TPX2: variants seen among roughly 807,000 people sequenced by gnomAD.
TPX2 encodes TPX2 microtubule nucleation factor, also known as targeting protein for Xklp2.
Under a neutral mutation model 93.6 loss-of-function variants are expected in TPX2, and 21 were observed. That is an observed-to-expected ratio of 0.22 (90% CI 0.16 to 0.32). TPX2 has a LOEUF of 0.32. TPX2 is among the 10% of genes least tolerant of loss of function. The pLI is 1.00. For missense variants in TPX2, 776 were observed against 871.1 expected, an observed-to-expected ratio of 0.89 and a Z score of 1.37; for synonymous variants, 281 against 298.3, an observed-to-expected ratio of 0.94 and a Z score of 0.60.
chr20:31,783,526 C>T (rs997571177), intron 11 of TPX2, among the ~76,000 whole-genome samples, 179 bp from the exon 12 acceptor site: 56 of 152,248 alleles, frequency 3.7e-4, no homozygotes, highest in African/African-American at 1.3e-3. Context: ...GCTGGGATTA[C>T]GGGCATGAGC....
chr20:31,763,414 A>G (rs1455151225), intron 4 of TPX2, among the ~76,000 whole-genome samples: 2 of 152,070 alleles, frequency 1.3e-5, no homozygotes, highest in Non-Finnish European at 2.9e-5. Flanking sequence ...TCCTGACCTC[A>G]GGTGATCTAC....
chr20:31,778,842 T>C lies in TPX2; in HGVS notation c.912T>C (p.Val304=), dbSNP rs1160757902. The part of the protein sequence containing the change: ...PARVTKGCTI[V]KPFNLSQGKK... ...GAGTGACTAAGGGATGTACCATTGTTAAGCCTTTCAACCTGTCCCAAGGAA... is the reference window on the plus strand; with the variant it reads ...GAGTGACTAAGGGATGTACCATTGTCAAGCCTTTCAACCTGTCCCAAGGAA... The change falls in exon 10 of 18, where the codon GTT becomes GTC. Residue 304 remains valine, a synonymous_variant. Transcript: ENST00000300403. 6.9e-6 allele frequency: 11 copies of C among 1,602,444 alleles called. No individual in the cohort carries two copies. Among genetic ancestry groups the C allele is most frequent in the Non-Finnish European group, 9.4e-6 (11 of 1,176,266 alleles).
chr20:31,771,807 A>G, intron 7 of TPX2, 125 bp downstream of exon 7: 1 of 1,093,364 alleles, frequency 9.1e-7, no homozygotes, highest in Non-Finnish European at 1.3e-6. Context: ...GGTGAGGTGA[A>G]TTGTTACATG....
At chr20:31,785,443 T>C (rs1177390498) in intron 12 of TPX2, among the ~76,000 whole-genome samples, 2 of 152,082 alleles carry the variant, frequency 1.3e-5, no homozygotes, top group Non-Finnish European at 2.9e-5. Flanking sequence ...ATAAGAGAAA[T>C]TATTTCTTCA....
At position 31,742,561 on chromosome 20, in the gene TPX2, A is replaced by G. The variant is rs2061759466; in HGVS notation, c.-157A>G. ...TCCAGGTTCTTGATACATATTTGCCAGACTTCAAGATTTCAGAAAAGGGGT... is the reference window on the plus strand; with the variant it reads ...TCCAGGTTCTTGATACATATTTGCCGGACTTCAAGATTTCAGAAAAGGGGT... On this transcript the variant is annotated 5_prime_UTR_variant, in exon 2 of 18. Coordinates refer to ENST00000300403, the MANE Select transcript of TPX2 (RefSeq NM_012112.5). 1.3e-5 allele frequency: 2 copies of G among 152,346 alleles called. No homozygotes were observed. The highest frequency in any genetic ancestry group is 4.1e-4 in the South Asian group (2 of 4,832). The allele number at this position is 152,346 out of a possible 1,614,324, so 9.4% of individuals were successfully genotyped here.
At chr20:31,754,261 A>G (rs973183551) in intron 2 of TPX2, among the ~76,000 whole-genome samples, 1 of 151,870 alleles carries the variant, frequency 6.6e-6, no homozygotes, top group Admixed American at 6.6e-5. Flanking sequence ...TTGTATTTTC[A>G]GTAGAGATGG....
At chr20:31,756,302 C>T (rs1209837184) in intron 2 of TPX2, among the ~76,000 whole-genome samples, 1 of 152,104 alleles carries the variant, frequency 6.6e-6, no homozygotes, top group Non-Finnish European at 1.5e-5. Flanking sequence ...ATAAACAAAG[C>T]ACAATTGGCT....
intron 6 of TPX2, 47 bp from the exon 7 acceptor site, chr20:31,771,513 A>G (rs548011776): frequency 3.8e-6 from 6 of 1,593,598 alleles, no homozygotes; most frequent in African/African-American, 1.3e-5. Flanking sequence ...GGTACAGGCT[A>G]TGCTTCAGGG....
At position 31,758,621 on chromosome 20, in the gene TPX2, G is replaced by C. The variant is rs116714539; in HGVS notation, c.106+1039G>C. On this transcript the variant is annotated intron_variant, in intron 3 of 17. Transcript: ENST00000300403. ...TCGGGAGAAATCACTATGAATATGTGGTGGGGAACAGAAGTGAGTCCATTG... is the reference window on the plus strand; with the variant it reads ...TCGGGAGAAATCACTATGAATATGTCGTGGGGAACAGAAGTGAGTCCATTG... Among the ~76,000 whole-genome samples, 215 of 152,282 alleles carry C rather than the reference G, an allele frequency of 1.4e-3. 1 individual carries two copies. Among genetic ancestry groups the C allele is most frequent in the African/African-American group, 5.1e-3 (210 of 41,540 alleles).
chr20:31,760,213 A>G (rs748150261), intron 4 of TPX2, 34 bp downstream of exon 4: 14 of 1,611,536 alleles, frequency 8.7e-6, no homozygotes, highest in Admixed American at 6.7e-5. Flanking sequence ...GCTCCTTGAT[A>G]GAATGGTGGG....
intron 4 of TPX2, among the ~76,000 whole-genome samples, chr20:31,764,127 TATGTACATATACATGTATGTGTACATAC>T (rs1256809839): frequency 2.6e-5 from 4 of 151,594 alleles, no homozygotes; most frequent in East Asian, 1.9e-4. Flanking sequence ...TGTGTGTATA[TATGTACATATACATGTATGTGTACATAC>T]ATGTACACAT....
intron 5 of TPX2, 37 bp downstream of exon 5, chr20:31,766,719 A>G: frequency 1.3e-6 from 2 of 1,598,172 alleles, no homozygotes; most frequent in Non-Finnish European, 1.7e-6. Context: ...GGTTATGATA[A>G]TAATGTTCAA....
chr20:31,782,333 CT>C lies in TPX2; in HGVS notation c.1140del (p.Val381Ter). 6.2e-7 allele frequency: 1 copy of C among 1,613,702 alleles called. No individual in the cohort carries two copies. The highest frequency in any genetic ancestry group is 8.5e-7 in the Non-Finnish European group (1 of 1,179,860). ...PVLQTKHRARAVTCKSTAELE... is the reference protein window; with the variant it reads ...PVLQTKHRARXVTCKSTAELE... The stretch of plus-strand genomic sequence containing the variant: ...CTGCAAACCAAACACCGTGCACGGG[CT>C]GTGACCTGCAAAAGTACAGCAGAGC... On this transcript the variant is annotated frameshift_variant, in exon 11 of 18. Coordinates refer to ENST00000300403, the MANE Select transcript of TPX2 (RefSeq NM_012112.5). LOFTEE classifies it high-confidence loss of function.
intron 12 of TPX2, among the ~76,000 whole-genome samples, chr20:31,784,732 T>G (rs984130457): frequency 1.3e-5 from 2 of 152,184 alleles, no homozygotes; most frequent in African/African-American, 4.8e-5. Flanking sequence ...AAGTGAGTTG[T>G]AGTTTGATAA....
At chr20:31,784,031 A>C in intron 12 of TPX2, 110 bp downstream of exon 12, 1 of 1,155,768 alleles carries the variant, frequency 8.7e-7, no homozygotes, top group East Asian at 2.4e-5. Context: ...CATATTAGGA[A>C]CTGCAGGTGA....
intron 5 of TPX2, 113 bp downstream of exon 5, chr20:31,766,795 C>CTTTTTT (rs11299452): frequency 2.2e-5 from 10 of 450,866 alleles, no homozygotes; most frequent in African/African-American, 3.4e-5. Flanking sequence ...CTTTATGTTA[C>CTTTTTT]TTTTTTTTTT....
intron 12 of TPX2, among the ~76,000 whole-genome samples, 168 bp downstream of exon 12, chr20:31,784,089 C>T (rs2123062562): frequency 6.6e-6 from 1 of 152,114 alleles, no homozygotes; most frequent in East Asian, 1.9e-4. Context: ...AACTCAAAGT[C>T]TGGTATGGGA....
intron 16 of TPX2, 27 bp downstream of exon 16, chr20:31,797,542 C>T: frequency 6.3e-7 from 1 of 1,598,972 alleles, no homozygotes. Context: ...TCTGATGGGA[C>T]TCGGGCAGAA....
chr20:31,788,142 C>T (rs999980170), intron 12 of TPX2, among the ~76,000 whole-genome samples: 29 of 152,034 alleles, frequency 1.9e-4, no homozygotes, highest in Admixed American at 1.4e-3. Flanking sequence ...GTCGGCCAGG[C>T]GCGGTGGCTC....
Sources: gnomAD v4.1 joint callset for allele counts (sites outside exome capture counted in the v4.1 genomes callset) on GRCh38, gnomAD v4.1.1 for gene constraint, MANE v1.5 for transcripts, NCBI Gene and HGNC (gene_info 2026-07-23, HGNC 2026-07-21) for gene names.